IFNGR2: variants seen among roughly 807,000 people sequenced by gnomAD.
The protein encoded by IFNGR2 is interferon gamma receptor 2.
A neutral mutation model predicts 41.1 loss-of-function variants in IFNGR2; 15 were observed. The ratio of observed to expected loss-of-function variants is 0.37; its 90% CI spans 0.24 to 0.56. The LOEUF (loss-of-function observed/expected upper bound fraction) is 0.56, where lower values mean the gene tolerates loss of function less well. IFNGR2 is among the 20% of genes least tolerant of loss of function. The pLI, the probability that IFNGR2 is intolerant of heterozygous loss-of-function variation, is 0.81. For synonymous variants in IFNGR2, 161 were observed against 171.6 expected, an observed-to-expected ratio of 0.94 and a Z score of 0.48; for missense variants, 362 against 415.7, an observed-to-expected ratio of 0.87 and a Z score of 1.12.
intron 3 of IFNGR2, 52 bp downstream of exon 3, chr21:33,421,737 C>CT: frequency 7.1e-7 from 1 of 1,401,984 alleles, no homozygotes; most frequent in Non-Finnish European, 1.0e-6. Context: ...GTTTTCTTCA[C>CT]TTGCGGTATC....
At chr21:33,407,664 C>T (rs1257559438) in intron 1 of IFNGR2, among the ~76,000 whole-genome samples, 2 of 152,182 alleles carry the variant, frequency 1.3e-5, no homozygotes, top group Non-Finnish European at 2.9e-5. Context: ...GGCGCTATCT[C>T]GGCTCACTGC....
At position 33,422,398 on chromosome 21, in the gene IFNGR2, T is replaced by C. The variant is rs540114224; in HGVS notation, c.412+713T>C. Among the ~76,000 whole-genome samples, 6 of 152,348 alleles carry C rather than the reference T, an allele frequency of 3.9e-5. No individual in the cohort carries two copies. In the South Asian group the frequency reaches 1.2e-3, roughly 32 times the overall value. On this transcript the variant is annotated intron_variant, in intron 3 of 6. Transcript: ENST00000290219. ...ATGGATCTTGATTTAGACAAACTAATGTATAAGACAATTGAAATGTGATCA... is the reference window on the plus strand; with the variant it reads ...ATGGATCTTGATTTAGACAAACTAACGTATAAGACAATTGAAATGTGATCA...
In IFNGR2 at chr21:33,432,861, A is replaced by C. The variant is rs143025663; in HGVS notation, c.869A>C (p.Gln290Pro). ...WFHTPPSIPL[Q>P]IEEYLKDPTQ... ...CACACTCCACCAAGCATCCCATTAC[A>C]GATAGAAGAGGTACGTGTGCACACA... The change falls in exon 6 of 7, where the codon CAG (glutamine) becomes CCG (proline). Residue 290 changes from glutamine (Q) to proline (P), a missense_variant. Transcript: ENST00000290219. 190 of 1,612,414 alleles carry C rather than the reference A, an allele frequency of 1.2e-4. 4 individuals are homozygous for C. The East Asian group carries it at 4.2e-3, about 36-fold the overall frequency.
At chr21:33,430,317 T>C (rs1268887619) in intron 4 of IFNGR2, among the ~76,000 whole-genome samples, 1 of 152,242 alleles carries the variant, frequency 6.6e-6, no homozygotes, top group African/African-American at 2.4e-5. Context: ...AAGGGAATTT[T>C]TGTCCTTAAA....
intron 2 of IFNGR2, among the ~76,000 whole-genome samples, chr21:33,419,325 T>C (rs529685744): frequency 1.1e-4 from 17 of 152,202 alleles, no homozygotes; most frequent in South Asian, 1.0e-3. Flanking sequence ...CTAGGCTGGT[T>C]TCGAACTCCT....
At chr21:33,436,791 TAAAC>T in intron 6 of IFNGR2, 33 bp from the exon 7 acceptor site, 2 of 1,595,752 alleles carry the variant, frequency 1.3e-6, no homozygotes, top group Non-Finnish European at 1.7e-6. Flanking sequence ...ACTGAACTGG[TAAAC>T]TAATTACAAT....
chr21:33,429,472 T>C (rs2083867275), intron 4 of IFNGR2, among the ~76,000 whole-genome samples: 1 of 152,150 alleles, frequency 6.6e-6, no homozygotes, highest in African/African-American at 2.4e-5. Flanking sequence ...CATACTCTGA[T>C]TTTTTATAGC....
intron 2 of IFNGR2, among the ~76,000 whole-genome samples, chr21:33,417,389 T>G (rs2123342895): frequency 6.6e-6 from 1 of 152,272 alleles, no homozygotes; most frequent in South Asian, 2.1e-4. Context: ...CACACTGGCG[T>G]TTCTTATTTG....
chr21:33,409,225 G>T (rs112196196), intron 1 of IFNGR2, among the ~76,000 whole-genome samples: 4 of 151,478 alleles, frequency 2.6e-5, no homozygotes, highest in African/African-American at 9.7e-5. Flanking sequence ...TCCCAGCACT[G>T]TGGGAGGCCA....
chr21:33,410,964 C>T, intron 1 of IFNGR2: 1 of 1,083,476 alleles, frequency 9.2e-7, no homozygotes. Context: ...TCTCCCCAGC[C>T]TTCCAGCCCT....
chr21:33,420,000 C>G (rs372545967), intron 2 of IFNGR2, among the ~76,000 whole-genome samples: 5 of 152,124 alleles, frequency 3.3e-5, no homozygotes, highest in Non-Finnish European at 5.9e-5. Flanking sequence ...CGCCCCTCAC[C>G]CCCGACCTGA....
At chr21:33,416,635 A>T (rs2083755202) in intron 2 of IFNGR2, among the ~76,000 whole-genome samples, 1 of 152,028 alleles carries the variant, frequency 6.6e-6, no homozygotes, top group Non-Finnish European at 1.5e-5. Flanking sequence ...ATCCTGGCTA[A>T]CACGCTGAAA....
At chr21:33,416,105 G>C (rs2123340787) in intron 2 of IFNGR2, among the ~76,000 whole-genome samples, 1 of 152,224 alleles carries the variant, frequency 6.6e-6, no homozygotes, top group East Asian at 1.9e-4. Flanking sequence ...CAAGTGATTT[G>C]CCCGCCTGGG....
intron 4 of IFNGR2, among the ~76,000 whole-genome samples, chr21:33,429,813 C>A (rs1188054275): frequency 6.6e-6 from 1 of 152,094 alleles, no homozygotes; most frequent in Non-Finnish European, 1.5e-5. Context: ...AGCCACCTTA[C>A]CAGTTTGGGA....
At position 33,403,524 on chromosome 21, in the gene IFNGR2, G is replaced by T; in HGVS notation, c.-20G>T. 8.0e-7 allele frequency: 1 copy of T among 1,252,162 alleles called. No homozygotes were observed. The highest frequency in any genetic ancestry group is 1.0e-6 in the Non-Finnish European group (1 of 990,828). 77.6% of individuals were successfully genotyped at this position (1,252,162 alleles called of 1,614,324 possible). A position where few individuals can be genotyped will look rare whatever the true frequency, so the allele number is the denominator to read the frequency against. ...CGGGGCCCCGGCCGCGACCTGAGCCGCCGCCGAGCGCCCGGGGCCATGCGA... is the reference window on the plus strand; with the variant it reads ...CGGGGCCCCGGCCGCGACCTGAGCCTCCGCCGAGCGCCCGGGGCCATGCGA... On this transcript the variant is annotated 5_prime_UTR_variant, in exon 1 of 7. Transcript: ENST00000290219.
At chr21:33,408,277 A>C (rs775410898) in intron 1 of IFNGR2, among the ~76,000 whole-genome samples, 1 of 151,562 alleles carries the variant, frequency 6.6e-6, no homozygotes, top group African/African-American at 2.4e-5. Flanking sequence ...ACTCACTGCA[A>C]CCTCCACCTC....
chr21:33,422,398 T>A (rs540114224), intron 3 of IFNGR2, among the ~76,000 whole-genome samples: 1 of 152,230 alleles, frequency 6.6e-6, no homozygotes, highest in East Asian at 1.9e-4. Context: ...GACAAACTAA[T>A]GTATAAGACA....
intron 1 of IFNGR2, among the ~76,000 whole-genome samples, chr21:33,408,937 G>A (rs1293272786): frequency 6.6e-6 from 1 of 152,148 alleles, no homozygotes; most frequent in Admixed American, 6.6e-5. Flanking sequence ...CCAGCACTTT[G>A]GGAGGCCGAG....
chr21:33,404,971 T>C (rs1315916459), intron 1 of IFNGR2, among the ~76,000 whole-genome samples: 1 of 152,024 alleles, frequency 6.6e-6, no homozygotes, highest in Non-Finnish European at 1.5e-5. Flanking sequence ...TAAAAATACA[T>C]AGCTGGGCGT....
Sources: allele counts gnomAD v4.1 joint callset (sites outside exome capture counted in the v4.1 genomes callset), GRCh38; gene constraint gnomAD v4.1.1; transcripts MANE v1.5; gene names NCBI Gene and HGNC (gene_info 2026-07-23, HGNC 2026-07-21).